Variants in C13orf42 observed in about 807,000 individuals in gnomAD.
The protein encoded by C13orf42 is chromosome 13 open reading frame 42.
At chr13:51,148,808 C>G (rs9596469) in intron 1 of C13orf42, among the ~76,000 whole-genome samples, 2,628 of 152,332 alleles carry the variant, frequency 0.017, 69 homozygotes, top group African/African-American at 0.06. Flanking sequence ...CCGCCAGGCC[C>G]CAGCTGGGCC....
chr13:51,096,066 G>A (rs1487192013), intron 1 of C13orf42, among the ~76,000 whole-genome samples: 1 of 152,166 alleles, frequency 6.6e-6, no homozygotes, highest in Non-Finnish European at 1.5e-5. Flanking sequence ...TGGGACTGTT[G>A]TTGCTATGGT....
intron 1 of C13orf42, among the ~76,000 whole-genome samples, chr13:51,157,236 C>A (rs1953831051): frequency 6.6e-6 from 1 of 152,124 alleles, no homozygotes; most frequent in Admixed American, 6.5e-5. Context: ...GAGTTCGAGA[C>A]CAGCCTGGTC....
At chr13:51,146,805 C>T (rs923881191) in intron 1 of C13orf42, among the ~76,000 whole-genome samples, 2 of 152,166 alleles carry the variant, frequency 1.3e-5, no homozygotes, top group Non-Finnish European at 1.5e-5. Flanking sequence ...CTAAGCAGTT[C>T]CCAGCTTGAC....
intron 1 of C13orf42, among the ~76,000 whole-genome samples, chr13:51,101,269 A>G (rs1953287347): frequency 6.6e-6 from 1 of 152,236 alleles, no homozygotes; most frequent in African/African-American, 2.4e-5. Flanking sequence ...AAAAGAAAAT[A>G]TACCTAAAAA....
chr13:51,137,838 T>C (rs1953669176), intron 1 of C13orf42, among the ~76,000 whole-genome samples: 2 of 152,240 alleles, frequency 1.3e-5, no homozygotes, highest in South Asian at 4.1e-4. Flanking sequence ...TTCTGGCATA[T>C]GTATATATGC....
At position 51,095,271 on chromosome 13, in the gene C13orf42, C is replaced by T. The variant is rs942916528; in HGVS notation, c.415-7196G>A. Reference sequence around the variant, plus strand: ...GTCATTTTTCTCTTTGTCCTTTTAGCAATTTTATTATGATATATGTAGGTT... The same window carrying T: ...GTCATTTTTCTCTTTGTCCTTTTAGTAATTTTATTATGATATATGTAGGTT... On this transcript the variant is annotated intron_variant, in intron 1 of 3. Transcript: ENST00000563710. Among the ~76,000 whole-genome samples, 5 of 151,586 alleles carry T rather than the reference C, an allele frequency of 3.3e-5. No homozygotes were observed. In the East Asian group the frequency reaches 7.7e-4, roughly 23 times the overall value.
chr13:51,107,165 G>C (rs1401635566), intron 1 of C13orf42, among the ~76,000 whole-genome samples: 1 of 152,140 alleles, frequency 6.6e-6, no homozygotes, highest in African/African-American at 2.4e-5. Flanking sequence ...CAGGGGGCTG[G>C]GGTAACAGAC....
In C13orf42 at chr13:51,083,901, C is replaced by T. The variant is rs773888937; in HGVS notation, c.*250G>A. On this transcript the variant is annotated 3_prime_UTR_variant, in exon 4 of 4. Coordinates refer to ENST00000563710, the MANE Select transcript of C13orf42 (RefSeq NM_001351589.3). The stretch of plus-strand genomic sequence containing the variant: ...CTTCCATTCCTTCAGCTCTTGAAGA[C>T]CAGCCAGGCTGTAAGTCCCTGGTCA... The T allele has an allele frequency of 1.9e-5, 6 of 321,192 alleles. No homozygotes were observed. The highest frequency in any genetic ancestry group is 3.4e-5 in the Non-Finnish European group (6 of 177,380). The allele number at this position is 321,192 out of a possible 1,614,324, so 19.9% of individuals were successfully genotyped here. A position where few individuals can be genotyped will look rare whatever the true frequency, so the allele number is the denominator to read the frequency against.
At chr13:51,128,524 A>G (rs1342407863) in intron 1 of C13orf42, among the ~76,000 whole-genome samples, 1 of 152,176 alleles carries the variant, frequency 6.6e-6, no homozygotes, top group East Asian at 1.9e-4. Flanking sequence ...CTCCTAAGAC[A>G]GAATGGGCTA....
chr13:51,111,122 C>A lies in C13orf42; in HGVS notation c.88G>T (p.Ala30Ser), dbSNP rs779879784. ...GAACTGCTTCGAATCAGCTTCACTG[C>A]GGGGCTGGCTCCTTCGTAGAAGGGG... ...ESPFYEGASP[A>S]VKLIRSSSMY... The change falls in exon 1 of 4, where the codon GCA (alanine) becomes TCA (serine). Residue 30 changes from alanine to serine, a missense_variant. Coordinates refer to ENST00000563710, the MANE Select transcript of C13orf42 (RefSeq NM_001351589.3). 1.5e-5 allele frequency: 6 copies of A among 398,506 alleles called. No homozygotes were observed. The highest frequency in any genetic ancestry group is 6.2e-4 in the Middle Eastern group (1 of 1,610). 24.7% of individuals were successfully genotyped at this position (398,506 alleles called of 1,614,324 possible).
In C13orf42 at chr13:51,085,462, A is replaced by G. The variant is rs1240819521; in HGVS notation, c.660T>C (p.Thr220=). 1.0e-5 allele frequency: 4 copies of G among 398,480 alleles called. No homozygotes were observed. The highest frequency in any genetic ancestry group is 1.8e-5 in the Non-Finnish European group (4 of 226,070). The allele number at this position is 398,480 out of a possible 1,614,324, so 24.7% of individuals were successfully genotyped here. A position where few individuals can be genotyped will look rare whatever the true frequency, so the allele number is the denominator to read the frequency against. The change falls in exon 3 of 4, where the codon ACT becomes ACC. Residue 220 remains threonine, a synonymous_variant. Coordinates refer to ENST00000563710, the MANE Select transcript of C13orf42 (RefSeq NM_001351589.3). ...SEDIAAHTVH[T]VDGQFRRSTE... is the part of the protein sequence containing the mutation. ...TGCTCCTTCGAAACTGGCCGTCTAC[A>G]GTATGCACAGTGTGGGCAGCGATAT...
intron 1 of C13orf42, among the ~76,000 whole-genome samples, chr13:51,110,165 C>T (rs1034869498): frequency 6.6e-6 from 1 of 152,130 alleles, no homozygotes; most frequent in African/African-American, 2.4e-5. Context: ...GGGCTAAGCA[C>T]CTCAATATTT....
upstream of C13orf42, among the ~76,000 whole-genome samples, chr13:51,115,040 TAGAG>T (rs555960677): frequency 6.4e-4 from 97 of 152,224 alleles, no homozygotes; most frequent in South Asian, 3.5e-3. Flanking sequence ...AATGAGATAA[TAGAG>T]AGCACTTAAT....
At chr13:51,160,588 G>A (rs917314611) in intron 1 of C13orf42, among the ~76,000 whole-genome samples, 1 of 152,196 alleles carries the variant, frequency 6.6e-6, no homozygotes, top group Non-Finnish European at 1.5e-5. Context: ...GAGCCAGGAA[G>A]CAAGCCTCCC....
At position 51,118,941 on chromosome 13, in the gene C13orf42, T is replaced by A. The variant is rs527526675; in HGVS notation, n.137-5719A>T. ...GTACTGTGTGCCCAAGTGTATGGCA[T>A]GCTCTGGTGTATGGTGTGCCCAGGC... On this transcript the variant is annotated intron_variant and non_coding_transcript_variant, in intron 1 of 4. Transcript: ENST00000433280. 2.6e-5 allele frequency among the ~76,000 whole-genome samples: 4 copies of A among 152,000 alleles called. No individual in the cohort carries two copies. In the East Asian group the frequency reaches 7.8e-4, roughly 30 times the overall value.
intron 1 of C13orf42, among the ~76,000 whole-genome samples, chr13:51,133,330 G>C (rs534484148): frequency 6.6e-6 from 1 of 152,132 alleles, no homozygotes. Flanking sequence ...GGGAGGACGG[G>C]GAGTTGCTAT....
chr13:51,135,715 C>A (rs1953652601), intron 1 of C13orf42, among the ~76,000 whole-genome samples: 1 of 151,904 alleles, frequency 6.6e-6, no homozygotes, highest in African/African-American at 2.4e-5. Context: ...CCAACAATTT[C>A]TTCTTTCTTC....
chr13:51,136,075 T>A (rs988039128), intron 1 of C13orf42, among the ~76,000 whole-genome samples: 1 of 151,894 alleles, frequency 6.6e-6, no homozygotes, highest in African/African-American at 2.4e-5. Flanking sequence ...TCCGCAAACT[T>A]CCCACTTCCC....
At chr13:51,148,359 T>C (rs934816278) in intron 1 of C13orf42, among the ~76,000 whole-genome samples, 9 of 152,228 alleles carry the variant, frequency 5.9e-5, no homozygotes, top group South Asian at 2.1e-4. Context: ...GCACGGCCCC[T>C]GCCCTCAGCA....
Sources: allele counts gnomAD v4.1 joint callset (sites outside exome capture counted in the v4.1 genomes callset), GRCh38; gene constraint gnomAD v4.1.1; transcripts MANE v1.5; gene names NCBI Gene and HGNC (gene_info 2026-07-23, HGNC 2026-07-21).